ZNF221: variants seen among roughly 807,000 people sequenced by gnomAD.
The protein encoded by ZNF221 is zinc finger protein 221.
ZNF221 carries 10 observed loss-of-function variants against 12.6 expected under a neutral mutation model. The observed-to-expected ratio is 0.79, with a 90% CI of 0.49 to 1.34. ZNF221 has a LOEUF of 1.34. Among genes scored for constraint, ZNF221 ranks in the 40% most tolerant of loss-of-function variants. The pLI is 0.00. For missense variants in ZNF221, 661 were observed against 721.4 expected, an observed-to-expected ratio of 0.92 and a Z score of 0.96; for synonymous variants, 232 against 244.0, an observed-to-expected ratio of 0.95 and a Z score of 0.46.
chr19:43,963,560 G>A (rs1210008664), intron 2 of ZNF221, among the ~76,000 whole-genome samples: 2 of 152,192 alleles, frequency 1.3e-5, no homozygotes, highest in Non-Finnish European at 2.9e-5. Context: ...CCTTTATGGA[G>A]TAAGCAGTTT....
chr19:43,967,847 G>A, downstream of ZNF221: 1 of 185,450 alleles, frequency 5.4e-6, no homozygotes, highest in Non-Finnish European at 1.2e-5. Context: ...TGAGGAGCAT[G>A]GGATGTACTA....
the ZNF221 span, chr19:43,976,795 A>G: frequency 6.6e-6 from 1 of 152,214 alleles, no homozygotes; most frequent in African/African-American, 2.4e-5. Flanking sequence ...TAACCTTTAC[A>G]TACTCTTCTT....
chr19:43,962,663 G>T, intron 1 of ZNF221, 62 bp from the exon 2 acceptor site: 2 of 1,454,546 alleles, frequency 1.4e-6, no homozygotes, highest in South Asian at 2.3e-5. Flanking sequence ...GTCTATGTTG[G>T]TGGTCGGCAT....
At chr19:43,965,157 C>G in intron 3 of ZNF221, 76 bp from the exon 4 acceptor site, 1 of 1,595,182 alleles carries the variant, frequency 6.3e-7, no homozygotes. Context: ...GCATTGGGAA[C>G]CTAAATTTCC....
chr19:43,960,302 A>G lies in ZNF221; in HGVS notation c.-2-2423A>G, dbSNP rs568610913. ...GCTGCCTCACTGCTTCAAACAGCCT[A>G]CAATTATATATGGGAGCAAAAAAAT... On this transcript the variant is annotated intron_variant, in intron 1 of 4. Coordinates refer to ENST00000587682, the MANE Select transcript of ZNF221 (RefSeq NM_001297588.2). 4.6e-5 allele frequency: 7 copies of G among 152,364 alleles called. No individual in the cohort carries two copies. The South Asian group carries it at 6.2e-4, about 14-fold the overall frequency. 9.4% of individuals were successfully genotyped at this position (152,364 alleles called of 1,614,324 possible). A position where few individuals can be genotyped will look rare whatever the true frequency, so the allele number is the denominator to read the frequency against.
chr19:43,977,088 G>A, the ZNF221 span: 1 of 152,210 alleles, frequency 6.6e-6, no homozygotes. Context: ...ATGCCTTAGG[G>A]AAATCCTATT....
the ZNF221 span, among the ~76,000 whole-genome samples, chr19:43,973,353 C>T: frequency 6.6e-6 from 1 of 152,040 alleles, no homozygotes; most frequent in African/African-American, 2.4e-5. Flanking sequence ...CAAGGACCAG[C>T]CCCCCGCCCT....
chr19:43,964,016 CAGG>C (rs1283997972), intron 2 of ZNF221, among the ~76,000 whole-genome samples: 2 of 151,980 alleles, frequency 1.3e-5, no homozygotes, highest in Admixed American at 1.3e-4. Flanking sequence ...TTTAAATAAT[CAGG>C]AGAATAAAGT....
At chr19:43,954,609 G>A in intron 1 of ZNF221, among the ~76,000 whole-genome samples, 1 of 152,084 alleles carries the variant, frequency 6.6e-6, no homozygotes. Context: ...TGCCAGATGG[G>A]GTGAAGGCAC....
At position 43,967,480 on chromosome 19, in the gene ZNF221, C is replaced by T; in HGVS notation, c.*124C>T. ...GAAGAGCTTTGTACATAGATCATATCTTTTTTTTTTTTTTTTGAGACAGAG... is the reference window on the plus strand; with the variant it reads ...GAAGAGCTTTGTACATAGATCATATTTTTTTTTTTTTTTTTTGAGACAGAG... On this transcript the variant is annotated 3_prime_UTR_variant, in exon 5 of 5. Transcript: ENST00000587682. 8 of 539,362 alleles carry T rather than the reference C, an allele frequency of 1.5e-5. No individual in the cohort carries two copies. The highest frequency in any genetic ancestry group is 3.2e-5 in the East Asian group (1 of 31,716). 33.4% of individuals were successfully genotyped at this position (539,362 alleles called of 1,614,324 possible).
rs755755947 is a variant in ZNF221 at position 43,966,376 on chromosome 19, A to G, written c.874A>G (p.Ile292Val). 6.2e-7 allele frequency: 1 copy of G among 1,614,140 alleles called. No individual in the cohort carries two copies. The highest frequency in any genetic ancestry group is 8.5e-7 in the Non-Finnish European group (1 of 1,179,994). ...TTGTGAGGAATGTGGGAAAGCCTTC[A>G]TTCATGATTCACAGCTTCAAGAACA... ...YNCEECGKAF[I>V]HDSQLQEHQR... Residue 292 changes from isoleucine (I) to valine (V), a missense_variant, in exon 5 of 5, where the codon ATT (isoleucine) becomes GTT (valine). Physicochemically the swap from Ile to Val is conservative, Grantham distance 29. Coordinates refer to ENST00000587682, the MANE Select transcript of ZNF221 (RefSeq NM_001297588.2).
At chr19:43,965,114 C>G (rs989983470) in intron 3 of ZNF221, 38 bp downstream of exon 3, 2 of 1,607,796 alleles carry the variant, frequency 1.2e-6, no homozygotes, top group African/African-American at 2.7e-5. Flanking sequence ...ATGTTAGGCC[C>G]CAGGAATGGC....
In ZNF221 at chr19:43,962,673, T is replaced by C. The variant is rs1974865663; in HGVS notation, c.-2-52T>C. On this transcript the variant is annotated intron_variant, in intron 1 of 4. Transcript: ENST00000587682. ...TACTTGTCTATGTTGGTGGTCGGCA[T>C]TCCTAGTTACCATTTCCTGTCTGTT... 3.2e-6 allele frequency: 5 copies of C among 1,539,722 alleles called. No homozygotes were observed. The South Asian group carries it at 5.6e-5, about 17-fold the overall frequency.
chr19:43,955,706 A>G (rs1417669047), intron 1 of ZNF221, among the ~76,000 whole-genome samples: 1 of 152,214 alleles, frequency 6.6e-6, no homozygotes, highest in Non-Finnish European at 1.5e-5. Context: ...CTAGGAAAAC[A>G]GCGTGTAATT....
chr19:43,959,147 T>C (rs569287817), intron 1 of ZNF221, among the ~76,000 whole-genome samples: 3 of 152,356 alleles, frequency 2.0e-5, no homozygotes, highest in South Asian at 4.1e-4. Context: ...CCAAAGATGC[T>C]GCTACTTAGT....
chr19:43,967,393 AACTCATCTG>A lies in ZNF221; in HGVS notation c.*40_*48del, dbSNP rs1974996980. ...GTGGGAAGGGCTTTGGCTGGGCCTC[AACTCATCTG>A]ACCCATCAATTCTCCACAGCAGAGA... On this transcript the variant is annotated 3_prime_UTR_variant, in exon 5 of 5. Transcript: ENST00000587682. The A allele has an allele frequency of 1.3e-6, 2 of 1,502,390 alleles. No individual in the cohort carries two copies. The highest frequency in any genetic ancestry group is 1.8e-6 in the Non-Finnish European group (2 of 1,094,770). The allele number at this position is 1,502,390 out of a possible 1,614,324, so 93.1% of individuals were successfully genotyped here.
the ZNF221 span, among the ~76,000 whole-genome samples, chr19:43,981,103 C>A: frequency 6.6e-6 from 1 of 150,838 alleles, no homozygotes; most frequent in African/African-American, 2.4e-5. Flanking sequence ...GCGAACAGAC[C>A]AAAAACTCAA....
chr19:43,971,679 A>G (rs977130196), downstream of ZNF221, among the ~76,000 whole-genome samples: 11 of 152,206 alleles, frequency 7.2e-5, no homozygotes, highest in African/African-American at 2.2e-4. Context: ...AAGGCATTAC[A>G]TAACAGCAAA....
At chr19:43,962,853 C>T (rs956449407) in intron 2 of ZNF221, 46 bp downstream of exon 2, 1 of 1,544,584 alleles carries the variant, frequency 6.5e-7, no homozygotes, top group Admixed American at 1.7e-5. Context: ...CATCTTACTA[C>T]TCATATTGTC....
Sources: allele counts gnomAD v4.1 joint callset (sites outside exome capture counted in the v4.1 genomes callset), GRCh38; gene constraint gnomAD v4.1.1; transcripts MANE v1.5; gene names NCBI Gene and HGNC (gene_info 2026-07-23, HGNC 2026-07-21).